Variants in ELAVL2 observed in about 807,000 individuals in gnomAD.
The protein encoded by ELAVL2 is ELAV like RNA binding protein 2, also known as ELAV-like protein 2.
A neutral mutation model predicts 34.6 loss-of-function variants in ELAVL2; 4 were observed. That is an observed-to-expected ratio of 0.12 (90% CI 0.06 to 0.26). The LOEUF is 0.26. Among genes scored for constraint, ELAVL2 ranks in the 10% least tolerant of loss-of-function variants. The pLI, the probability that ELAVL2 is intolerant of heterozygous loss-of-function variation, is 1.00. For synonymous variants in ELAVL2, 193 were observed against 154.8 expected, an observed-to-expected ratio of 1.25 and a Z score of -1.83; for missense variants, 432 against 442.8, an observed-to-expected ratio of 0.98 and a Z score of 0.22.
At chr9:23,765,198 G>A in intron 1 of ELAVL2, 1 of 1,051,570 alleles carries the variant, frequency 9.5e-7, no homozygotes, top group Non-Finnish European at 1.4e-6. Flanking sequence ...GATATTCCCA[G>A]CACGTCCATG....
intron 5 of ELAVL2, 58 bp downstream of exon 5, chr9:23,701,321 A>T: frequency 6.3e-7 from 1 of 1,575,024 alleles, no homozygotes; most frequent in Non-Finnish European, 8.7e-7. Context: ...ACTGGACAGT[A>T]AACCTGAGTA....
intron 3 of ELAVL2, 148 bp downstream of exon 3, chr9:23,730,874 C>T (rs1188814050): frequency 8.9e-6 from 6 of 672,774 alleles, no homozygotes; most frequent in Non-Finnish European, 1.5e-5. Context: ...CAGTTTCTTC[C>T]ATCTTGCAAC....
At chr9:23,794,986 G>T (rs2137374563) in intron 1 of ELAVL2, among the ~76,000 whole-genome samples, 1 of 152,176 alleles carries the variant, frequency 6.6e-6, no homozygotes. Context: ...TTTATCTTAT[G>T]CACACCTACA....
At position 23,736,644 on chromosome 9, in the gene ELAVL2, C is replaced by G. The variant is rs1379868927; in HGVS notation, c.230-5519G>C. ...TCTGCCACACCCGCATCACGTTCTG[C>G]CAGTCCTACCAGCTAAATCGGCCCC... On this transcript the variant is annotated intron_variant, in intron 2 of 6. Transcript: ENST00000397312. Among the ~76,000 whole-genome samples, 7 of 152,158 alleles carry G rather than the reference C, an allele frequency of 4.6e-5. No homozygotes were observed. The East Asian group carries it at 1.4e-3, about 29-fold the overall frequency.
chr9:23,742,487 AG>A, intron 2 of ELAVL2, among the ~76,000 whole-genome samples: 1 of 152,290 alleles, frequency 6.6e-6, no homozygotes, highest in South Asian at 2.1e-4. Context: ...TGAAAGAGGG[AG>A]GGAAGCTGAG....
chr9:23,768,393 T>C (rs928373070), intron 1 of ELAVL2, among the ~76,000 whole-genome samples: 1 of 151,230 alleles, frequency 6.6e-6, no homozygotes, highest in Non-Finnish European at 1.5e-5. Context: ...TTCTTAAAAA[T>C]TGGAGACTGA....
the ELAVL2 span, among the ~76,000 whole-genome samples, chr9:23,836,821 C>T: frequency 6.6e-6 from 1 of 152,000 alleles, no homozygotes; most frequent in East Asian, 1.9e-4. Context: ...TGTGGTACCA[C>T]ATTATGCTGG....
chr9:23,812,006 C>G (rs1445639211), intron 1 of ELAVL2, among the ~76,000 whole-genome samples: 2 of 152,102 alleles, frequency 1.3e-5, no homozygotes, highest in Non-Finnish European at 2.9e-5. Flanking sequence ...GTCCCTAAAG[C>G]AATAAGCAAC....
chr9:23,785,448 C>G (rs2059567383), intron 1 of ELAVL2, among the ~76,000 whole-genome samples: 1 of 152,148 alleles, frequency 6.6e-6, no homozygotes, highest in Admixed American at 6.5e-5. Context: ...GACTTAGGAT[C>G]TTTTAGTTAT....
intron 1 of ELAVL2, among the ~76,000 whole-genome samples, chr9:23,797,528 T>C (rs113028902): frequency 0.021 from 3,223 of 152,104 alleles, 115 homozygotes; most frequent in African/African-American, 0.074. Context: ...GGGGCATGGG[T>C]GGTAGATAAT....
At chr9:23,723,000 C>T (rs2044128742) in intron 3 of ELAVL2, among the ~76,000 whole-genome samples, 1 of 152,154 alleles carries the variant, frequency 6.6e-6, no homozygotes, top group African/African-American at 2.4e-5. Context: ...AAAAGCCCTA[C>T]CCCACATTCC....
At chr9:23,741,952 C>G (rs192943497) in intron 2 of ELAVL2, among the ~76,000 whole-genome samples, 1 of 152,256 alleles carries the variant, frequency 6.6e-6, no homozygotes, top group Admixed American at 6.5e-5. Context: ...GGTTCGGTTA[C>G]AGGCCTTCTA....
intron 1 of ELAVL2, among the ~76,000 whole-genome samples, chr9:23,813,474 C>T (rs1427952454): frequency 6.7e-6 from 1 of 148,976 alleles, no homozygotes; most frequent in African/African-American, 2.5e-5. Context: ...CTCACAACAT[C>T]AGCAATGAGG....
intron 2 of ELAVL2, among the ~76,000 whole-genome samples, chr9:23,751,671 A>T (rs1317342688): frequency 1.3e-5 from 2 of 152,152 alleles, no homozygotes; most frequent in African/African-American, 4.8e-5. Context: ...TAAAAGTAAA[A>T]ATAAGCCGCA....
chr9:23,778,458 T>C (rs1266209834), intron 1 of ELAVL2, among the ~76,000 whole-genome samples: 1 of 152,202 alleles, frequency 6.6e-6, no homozygotes, highest in Non-Finnish European at 1.5e-5. Context: ...TATTTCTGAT[T>C]TCGCTTAATA....
intron 2 of ELAVL2, among the ~76,000 whole-genome samples, chr9:23,740,865 C>T (rs568969485): frequency 5.3e-5 from 8 of 152,304 alleles, no homozygotes; most frequent in South Asian, 2.1e-4. Flanking sequence ...ACTGCCAAAA[C>T]GGTCTCCCAC....
chr9:23,770,085 G>T (rs1446208664), intron 1 of ELAVL2, among the ~76,000 whole-genome samples: 1 of 152,210 alleles, frequency 6.6e-6, no homozygotes, highest in Admixed American at 6.5e-5. Context: ...ACGAATTCAG[G>T]AGAGTCCTGA....
intron 1 of ELAVL2, among the ~76,000 whole-genome samples, chr9:23,800,192 C>G (rs181676748): frequency 1.3e-5 from 2 of 152,054 alleles, no homozygotes; most frequent in Non-Finnish European, 2.9e-5. Context: ...TTCATTATTC[C>G]CATTCTGTAG....
chr9:23,825,494 A>C (rs886078911), intron 1 of ELAVL2, among the ~76,000 whole-genome samples: 2 of 152,022 alleles, frequency 1.3e-5, no homozygotes, highest in Admixed American at 6.6e-5. Context: ...CTCTCTCCCC[A>C]CGAAATGAAC....
Sources: allele counts gnomAD v4.1 joint callset (sites outside exome capture counted in the v4.1 genomes callset), GRCh38; gene constraint gnomAD v4.1.1; transcripts MANE v1.5; gene names NCBI Gene and HGNC (gene_info 2026-07-23, HGNC 2026-07-21).